Variants in EFCAB6 observed in about 807,000 individuals in gnomAD.
The protein encoded by EFCAB6 is EF-hand calcium-binding domain-containing protein 6.
In EFCAB6, 156 loss-of-function variants were observed where a neutral mutation model predicts 169.8. The observed-to-expected ratio is 0.92, with a 90% CI of 0.81 to 1.05. The LOEUF is 1.05. Among genes scored for constraint, EFCAB6 ranks in the 50% least tolerant of loss-of-function variants. EFCAB6 has a pLI of 0.00. For missense variants in EFCAB6, 1,800 were observed against 1,829.1 expected, an observed-to-expected ratio of 0.98 and a Z score of 0.29; for synonymous variants, 698 against 676.4, an observed-to-expected ratio of 1.03 and a Z score of -0.50.
intron 10 of EFCAB6, among the ~76,000 whole-genome samples, chr22:43,702,087 C>T (rs1372673618): frequency 6.6e-6 from 1 of 152,160 alleles, no homozygotes; most frequent in East Asian, 1.9e-4. Flanking sequence ...CTACGAGAAA[C>T]AGAAATTAAA....
chr22:43,786,118 T>C (rs2148072456), intron 2 of EFCAB6, among the ~76,000 whole-genome samples: 1 of 152,204 alleles, frequency 6.6e-6, no homozygotes, highest in Non-Finnish European at 1.5e-5. Flanking sequence ...ATCCCAGCAC[T>C]TTGGGAGGCC....
chr22:43,546,411 A>C (rs1163075991), intron 27 of EFCAB6, among the ~76,000 whole-genome samples: 1 of 152,146 alleles, frequency 6.6e-6, no homozygotes, highest in African/African-American at 2.4e-5. Context: ...ACACAGTTTC[A>C]GATGCAGTAG....
At chr22:43,685,138 T>A (rs551359299) in intron 11 of EFCAB6, among the ~76,000 whole-genome samples, 1 of 152,164 alleles carries the variant, frequency 6.6e-6, no homozygotes, top group Non-Finnish European at 1.5e-5. Flanking sequence ...ACTACAACCT[T>A]GCTATTGTCG....
At chr22:43,667,846 G>GT (rs1030507883) in intron 16 of EFCAB6, among the ~76,000 whole-genome samples, 44 of 152,238 alleles carry the variant, frequency 2.9e-4, no homozygotes, top group African/African-American at 1.0e-3. Flanking sequence ...GCATGTGGGC[G>GT]TGGGTGTTCG....
chr22:43,750,088 C>T (rs922795010), intron 6 of EFCAB6, among the ~76,000 whole-genome samples: 11 of 151,926 alleles, frequency 7.2e-5, no homozygotes, highest in African/African-American at 1.2e-4. Context: ...TACAATCTTG[C>T]GTTTGCACTA....
At chr22:43,730,022 G>A (rs1326707824) in intron 8 of EFCAB6, among the ~76,000 whole-genome samples, 1 of 150,176 alleles carries the variant, frequency 6.7e-6, no homozygotes, top group Non-Finnish European at 1.5e-5. Flanking sequence ...AAGTTAGCCA[G>A]GCATGGTGGT....
chr22:43,806,343 G>A (rs1020007667), intron 2 of EFCAB6, among the ~76,000 whole-genome samples: 14 of 151,954 alleles, frequency 9.2e-5, no homozygotes, highest in Non-Finnish European at 1.6e-4. Context: ...TCACCTTCAG[G>A]GCTCAAGTGA....
chr22:43,672,011 G>A lies in EFCAB6; in HGVS notation c.1602C>T (p.His534=), dbSNP rs1327034462. Residue 534 remains histidine, a synonymous_variant, in exon 15 of 32, where the codon CAC becomes CAT. Transcript: ENST00000262726. ...IGRNNFKKIM[H]VFCPFLTNAH... ...CATTCGTTAAAAATGGACAGAAGACGTGCATGATTTTCTTGAAATTATTTC... is the reference window on the plus strand; with the variant it reads ...CATTCGTTAAAAATGGACAGAAGACATGCATGATTTTCTTGAAATTATTTC... The A allele has an allele frequency of 1.2e-6, 2 of 1,614,078 alleles. No individual in the cohort carries two copies. The highest frequency in any genetic ancestry group is 1.7e-6 in the Non-Finnish European group (2 of 1,179,994).
chr22:43,625,469 G>A (rs2054437603), intron 20 of EFCAB6, among the ~76,000 whole-genome samples: 1 of 152,234 alleles, frequency 6.6e-6, no homozygotes, highest in South Asian at 2.1e-4. Context: ...ATCTCAGCAG[G>A]GAGCCGATGG....
intron 6 of EFCAB6, among the ~76,000 whole-genome samples, chr22:43,740,500 C>G (rs556239361): frequency 2.6e-5 from 4 of 152,316 alleles, no homozygotes; most frequent in Admixed American, 1.3e-4. Flanking sequence ...TGAGTGCAGT[C>G]ATGATGACAT....
intron 4 of EFCAB6, among the ~76,000 whole-genome samples, chr22:43,772,641 CAAAA>C (rs11285899): frequency 5.0e-5 from 6 of 120,162 alleles, no homozygotes; most frequent in African/African-American, 6.3e-5. Context: ...AATTCTGTCT[CAAAA>C]AAAAAAAAAA....
intron 8 of EFCAB6, among the ~76,000 whole-genome samples, chr22:43,719,411 CCAAATAGATGGTGCTTTT>C (rs983582263): frequency 2.6e-5 from 4 of 152,272 alleles, no homozygotes; most frequent in Admixed American, 2.6e-4. Context: ...CTTCATGTGC[CCAAATAGATGGTGCTTTT>C]CATAAGCAAG....
chr22:43,681,987 GC>G (rs1569376405), intron 12 of EFCAB6, among the ~76,000 whole-genome samples: 1 of 152,214 alleles, frequency 6.6e-6, no homozygotes, highest in African/African-American at 2.4e-5. Context: ...TGGATCTAAA[GC>G]AGTCTTTTAA....
At chr22:43,679,732 G>A (rs1176097097) in intron 12 of EFCAB6, among the ~76,000 whole-genome samples, 1 of 152,094 alleles carries the variant, frequency 6.6e-6, no homozygotes, top group Non-Finnish European at 1.5e-5. Context: ...GATCAATACT[G>A]TCAAGTATCT....
intron 24 of EFCAB6, among the ~76,000 whole-genome samples, chr22:43,586,340 A>AGTTTTTTTTTTTTTTTTTTTTTTTTTTTT (rs2051062817): frequency 1.4e-5 from 1 of 72,906 alleles, no homozygotes; most frequent in African/African-American, 6.5e-5. Flanking sequence ...GCAACAACTG[A>AGTTTTTTTTTTTTTTTTTTTTTTTTTTTT]TTTTTTTTTT....
intron 27 of EFCAB6, among the ~76,000 whole-genome samples, chr22:43,543,420 G>A (rs1242601419): frequency 6.6e-6 from 1 of 152,094 alleles, no homozygotes; most frequent in Non-Finnish European, 1.5e-5. Context: ...TGTGTGCACG[G>A]GGCCACTTCT....
chr22:43,702,033 A>G (rs187404910), intron 10 of EFCAB6, among the ~76,000 whole-genome samples: 108 of 152,274 alleles, frequency 7.1e-4, no homozygotes, highest in African/African-American at 2.6e-3. Flanking sequence ...AGAAGAAGAG[A>G]CCCAGTCAGT....
intron 11 of EFCAB6, 100 bp downstream of exon 11, chr22:43,687,371 C>A: frequency 1.4e-6 from 1 of 725,904 alleles, no homozygotes; most frequent in South Asian, 2.5e-5. Flanking sequence ...ACTAATCGAT[C>A]ATTCAATAAA....
chr22:43,607,497 C>A (rs999462869), intron 22 of EFCAB6, among the ~76,000 whole-genome samples: 24 of 152,198 alleles, frequency 1.6e-4, no homozygotes, highest in Non-Finnish European at 2.9e-4. Flanking sequence ...TCTGCCTATA[C>A]CCAGCTGGAA....
Sources: gnomAD v4.1 joint callset for allele counts (sites outside exome capture counted in the v4.1 genomes callset) on GRCh38, gnomAD v4.1.1 for gene constraint, MANE v1.5 for transcripts, NCBI Gene and HGNC (gene_info 2026-07-23, HGNC 2026-07-21) for gene names.